Variants in RGS10 observed in about 807,000 individuals in gnomAD.
RGS10 encodes the protein regulator of G-protein signalling 10.
RGS10 carries 11 observed loss-of-function variants against 23.5 expected under a neutral mutation model. That is an observed-to-expected ratio of 0.47 (90% CI 0.29 to 0.77). The LOEUF (loss-of-function observed/expected upper bound fraction) is 0.77, where lower values mean the gene tolerates loss of function less well. Among genes scored for constraint, RGS10 ranks in the 30% least tolerant of loss-of-function variants. The probability of loss-of-function intolerance (pLI) is 0.08; values close to 1 mark genes in which losing one functional copy is unlikely to be tolerated. For synonymous variants in RGS10, 77 were observed against 83.2 expected (o/e 0.92, Z 0.41); for missense variants, 180 against 226.3 (o/e 0.80, Z 1.31).
rs1482946628 is a variant in RGS10, at chr10:119,524,666, T to C, written c.255+1366A>G. On this transcript the variant is annotated intron_variant, in intron 3 of 4. Transcript: ENST00000369103. This position sits in a 1 kb window ranked among gnomAD's most constrained non-coding sequence, Gnocchi z 5.2. ...GCATCCCCCACCACCTGCTTCTCAC[T>C]TTCCCCTGGGGCCCCTCTCTGCCCA... 1.3e-5 allele frequency among the ~76,000 whole-genome samples: 2 copies of C among 152,088 alleles called. No individual in the cohort carries two copies. The highest frequency in any genetic ancestry group is 1.3e-4 in the Admixed American group (2 of 15,260).
intron 3 of RGS10, chr10:119,516,625 G>C (rs1844147592): frequency 6.6e-6 from 1 of 152,174 alleles, no homozygotes; most frequent in Non-Finnish European, 1.5e-5. Context: ...GAAAACACTC[G>C]CTGCCCGCCC....
rs185572019 is a variant in RGS10, at chr10:119,506,683, C to T, written c.400-6424G>A. On this transcript the variant is annotated intron_variant, in intron 4 of 4. Coordinates refer to ENST00000369103, the MANE Select transcript of RGS10 (RefSeq NM_001005339.2). The stretch of plus-strand genomic sequence containing the variant: ...CTCCTCTGAGTGCCACTCTCCCCTC[C>T]TCTTCCCCCAAATACTTTTATTTAT... Among the ~76,000 whole-genome samples the T allele has an allele frequency of 2.6e-4, 40 of 152,258 alleles. 1 individual carries two copies. The East Asian group carries it at 7.0e-3, about 26-fold the overall frequency.
intron 4 of RGS10, among the ~76,000 whole-genome samples, chr10:119,510,964 C>G (rs530061710): frequency 6.6e-6 from 1 of 152,072 alleles, no homozygotes; most frequent in Non-Finnish European, 1.5e-5. Flanking sequence ...GTGATCTGCC[C>G]GCCTCGGCCT....
intron 4 of RGS10, among the ~76,000 whole-genome samples, chr10:119,514,820 G>T (rs1384604439): frequency 6.6e-6 from 1 of 152,144 alleles, no homozygotes; most frequent in African/African-American, 2.4e-5. Flanking sequence ...CTGAGGTCCA[G>T]GGTGGGGTCG....
At chr10:119,529,175 G>A (rs953111757) in intron 1 of RGS10, among the ~76,000 whole-genome samples, 4 of 152,148 alleles carry the variant, frequency 2.6e-5, no homozygotes, top group Admixed American at 2.0e-4. Flanking sequence ...GTTTCTGGCC[G>A]GGCACGGTGG....
intron 4 of RGS10, 82 bp from the exon 5 acceptor site, chr10:119,500,341 T>A: frequency 7.9e-7 from 1 of 1,266,852 alleles, no homozygotes; most frequent in Non-Finnish European, 1.1e-6. Context: ...TATTAATACC[T>A]ACCATGTGCC....
At chr10:119,521,021 T>C (rs1844206470) in intron 3 of RGS10, among the ~76,000 whole-genome samples, 1 of 152,126 alleles carries the variant, frequency 6.6e-6, no homozygotes. Flanking sequence ...ACACAATGAA[T>C]GAACTCCGCC....
chr10:119,508,163 A>G (rs866776465), intron 4 of RGS10, among the ~76,000 whole-genome samples: 30 of 151,658 alleles, frequency 2.0e-4, no homozygotes, highest in African/African-American at 6.8e-4. Flanking sequence ...ATGTCCGGCT[A>G]ATTTTTTTGT....
At chr10:119,502,067 G>A (rs752737987) in intron 4 of RGS10, among the ~76,000 whole-genome samples, 2 of 151,996 alleles carry the variant, frequency 1.3e-5, no homozygotes, top group Non-Finnish European at 2.9e-5. Context: ...TGCCACACTA[G>A]AGCAGTCATC....
intron 1 of RGS10, chr10:119,536,335 A>G: frequency 1.4e-6 from 1 of 740,526 alleles, no homozygotes; most frequent in Non-Finnish European, 2.2e-6. Flanking sequence ...AAGTGCTCCT[A>G]CTGGCCCTTC....
chr10:119,508,787 A>C (rs1844043969), intron 4 of RGS10, among the ~76,000 whole-genome samples: 3 of 152,210 alleles, frequency 2.0e-5, no homozygotes, highest in Admixed American at 2.0e-4. Context: ...AGCATGTACT[A>C]ATTCAATAAC....
At chr10:119,513,187 G>A (rs1307010623) in intron 4 of RGS10, among the ~76,000 whole-genome samples, 4 of 152,232 alleles carry the variant, frequency 2.6e-5, no homozygotes, top group Non-Finnish European at 5.9e-5. Flanking sequence ...GCTGGGCCTG[G>A]TGGCTCTTGC....
chr10:119,528,420 G>A (rs1408473943), intron 1 of RGS10, among the ~76,000 whole-genome samples: 1 of 152,050 alleles, frequency 6.6e-6, no homozygotes, highest in Non-Finnish European at 1.5e-5. Context: ...AGACAGGATC[G>A]GTTATGCTGA....
At chr10:119,515,422 C>A in intron 4 of RGS10, 87 bp downstream of exon 4, 1 of 1,522,668 alleles carries the variant, frequency 6.6e-7, no homozygotes, top group Non-Finnish European at 9.0e-7. Flanking sequence ...TCCAGGGAGT[C>A]TAACATCGGG....
intron 1 of RGS10, chr10:119,536,336 C>T (rs1844386723): frequency 2.7e-6 from 2 of 746,756 alleles, no homozygotes; most frequent in Non-Finnish European, 4.4e-6. Flanking sequence ...AGTGCTCCTA[C>T]TGGCCCTTCC....
intron 4 of RGS10, among the ~76,000 whole-genome samples, chr10:119,504,502 C>T (rs1190712901): frequency 6.6e-6 from 1 of 152,182 alleles, no homozygotes; most frequent in Non-Finnish European, 1.5e-5. Context: ...AGAGTGTATC[C>T]ATGTGTCTAA....
Position 119,524,726 on chromosome 10 carries a change from A to G in RGS10, c.255+1306T>C, listed in dbSNP as rs1844254309. ...GGCCAACGTCATCCAGAGGAGAGAA[A>G]AAGCCAGAAAGCAAAATCCAAGGGT... On this transcript the variant is annotated intron_variant, in intron 3 of 4. Coordinates refer to ENST00000369103, the MANE Select transcript of RGS10 (RefSeq NM_001005339.2). The surrounding 1 kb of genome is among the most constrained non-coding windows in gnomAD (Gnocchi z 5.2). Among the ~76,000 whole-genome samples, 1 of 152,102 alleles carries G rather than the reference A, an allele frequency of 6.6e-6. No individual in the cohort carries two copies. Among genetic ancestry groups the G allele is most frequent in the Non-Finnish European group, 1.5e-5 (1 of 68,020 alleles).
intron 4 of RGS10, 43 bp downstream of exon 4, chr10:119,515,466 T>C: frequency 1.2e-6 from 2 of 1,611,228 alleles, no homozygotes; most frequent in East Asian, 2.2e-5. Flanking sequence ...CTGGAATTAA[T>C]GTAGGTTTTC....
chr10:119,542,321 T>C (rs578132321), intron 1 of RGS10, among the ~76,000 whole-genome samples: 1 of 152,296 alleles, frequency 6.6e-6, no homozygotes, highest in East Asian at 1.9e-4. Context: ...GGCGCTCCTT[T>C]TTCTCCCAGA....
Sources: allele counts gnomAD v4.1 joint callset (sites outside exome capture counted in the v4.1 genomes callset), GRCh38; gene constraint gnomAD v4.1.1; non-coding constraint Gnocchi (gnomAD v3.1); transcripts MANE v1.5; gene names NCBI Gene and HGNC (gene_info 2026-07-23, HGNC 2026-07-21).